ESRRG: variants seen among roughly 807,000 people sequenced by gnomAD.
ESRRG encodes the protein estrogen-related receptor gamma.
ESRRG carries 13 observed loss-of-function variants against 44.0 expected under a neutral mutation model. The observed-to-expected ratio is 0.30, with a 90% CI of 0.19 to 0.47. The LOEUF (loss-of-function observed/expected upper bound fraction) is 0.47, where lower values mean the gene tolerates loss of function less well. ESRRG is among the 20% of genes least tolerant of loss of function. The pLI, the probability that ESRRG is intolerant of heterozygous loss-of-function variation, is 1.00. For synonymous variants in ESRRG, 215 were observed against 214.6 expected (o/e 1.00, Z -0.02); for missense variants, 395 against 580.6 (o/e 0.68, Z 3.29).
intron 5 of ESRRG, among the ~76,000 whole-genome samples, chr1:216,536,412 C>A (rs1447726988): frequency 6.6e-6 from 1 of 152,076 alleles, no homozygotes; most frequent in Non-Finnish European, 1.5e-5. Flanking sequence ...TATGTTTTGA[C>A]TTCTATGTCT....
chr1:216,830,544 G>T, intron 2 of ESRRG, among the ~76,000 whole-genome samples: 1 of 152,152 alleles, frequency 6.6e-6, no homozygotes, highest in East Asian at 1.9e-4. Flanking sequence ...CTTCTAGGAA[G>T]TCTTGTTTAT....
At chr1:216,972,104 G>T (rs1235970909) in intron 1 of ESRRG, among the ~76,000 whole-genome samples, 1 of 151,932 alleles carries the variant, frequency 6.6e-6, no homozygotes, top group Non-Finnish European at 1.5e-5. Context: ...AGTTCAACTT[G>T]CACTTTAGCC....
At chr1:216,715,342 C>A in intron 1 of ESRRG, 1 of 527,464 alleles carries the variant, frequency 1.9e-6, no homozygotes, top group Non-Finnish European at 2.4e-6. Flanking sequence ...TGGTTCTCAC[C>A]AACCATATAC....
intron 2 of ESRRG, among the ~76,000 whole-genome samples, chr1:216,674,726 C>T (rs1487985161): frequency 6.6e-6 from 1 of 151,122 alleles, no homozygotes; most frequent in Non-Finnish European, 1.5e-5. Context: ...CCTTCTGCCT[C>T]AACCTTTCCA....
chr1:216,978,687 C>G (rs954767675), intron 1 of ESRRG, among the ~76,000 whole-genome samples: 5 of 152,124 alleles, frequency 3.3e-5, no homozygotes, highest in African/African-American at 9.7e-5. Flanking sequence ...ACAGTCAGAG[C>G]AGAAAGAGCC....
At chr1:217,122,347 A>C (rs887471232) in intron 1 of ESRRG, among the ~76,000 whole-genome samples, 16 of 152,136 alleles carry the variant, frequency 1.1e-4, no homozygotes, top group Non-Finnish European at 1.2e-4. Flanking sequence ...AAGAAAAGCA[A>C]TCTGAAGACA....
chr1:217,011,255 A>C (rs1459130357), intron 1 of ESRRG, among the ~76,000 whole-genome samples: 3 of 152,218 alleles, frequency 2.0e-5, no homozygotes, highest in African/African-American at 7.2e-5. Context: ...CAGTCTTCCA[A>C]ACCTGTTTCT....
intron 2 of ESRRG, among the ~76,000 whole-genome samples, chr1:216,741,054 C>T (rs1015438554): frequency 6.6e-6 from 1 of 151,178 alleles, no homozygotes; most frequent in Admixed American, 6.6e-5. Flanking sequence ...CACAGTCCCC[C>T]CTCTCTCTTC....
intron 2 of ESRRG, among the ~76,000 whole-genome samples, chr1:216,854,380 CAAAG>C (rs2095890391): frequency 9.7e-6 from 1 of 103,434 alleles, no homozygotes. Context: ...AAAAAAAAAG[CAAAG>C]AAAAAAAAGA....
At chr1:217,039,878 TGTA>T (rs10568786) in intron 1 of ESRRG, among the ~76,000 whole-genome samples, 23,303 of 152,096 alleles carry the variant, frequency 0.15, 2,315 homozygotes, top group East Asian at 0.2. Context: ...CTTCCCAAAT[TGTA>T]GTATTCTATA....
chr1:217,004,277 T>G (rs1160749879), intron 1 of ESRRG, among the ~76,000 whole-genome samples: 2 of 152,300 alleles, frequency 1.3e-5, no homozygotes, highest in Middle Eastern at 3.4e-3. Flanking sequence ...AATCTCACCT[T>G]GAATTGTAAT....
intron 2 of ESRRG, among the ~76,000 whole-genome samples, chr1:216,930,181 A>T (rs1005699112): frequency 2.6e-5 from 4 of 152,050 alleles, no homozygotes; most frequent in Admixed American, 6.5e-5. Flanking sequence ...TTTCTCTTGC[A>T]TCTTTAATCT....
intron 3 of ESRRG, among the ~76,000 whole-genome samples, chr1:216,637,573 T>C (rs1303399890): frequency 6.6e-6 from 1 of 152,212 alleles, no homozygotes; most frequent in Non-Finnish European, 1.5e-5. Flanking sequence ...AAGACATCAT[T>C]ATAAATATCA....
chr1:216,764,640 G>A (rs1448409761), intron 2 of ESRRG, among the ~76,000 whole-genome samples: 2 of 151,974 alleles, frequency 1.3e-5, no homozygotes, highest in Admixed American at 6.6e-5. Flanking sequence ...TGGGACTATA[G>A]GTGTGTGCTG....
At chr1:216,622,055 C>T (rs2062333428) in intron 3 of ESRRG, among the ~76,000 whole-genome samples, 1 of 152,168 alleles carries the variant, frequency 6.6e-6, no homozygotes, top group South Asian at 2.1e-4. Flanking sequence ...GAATAGTTGG[C>T]ATGGAATTCA....
chr1:217,105,832 G>T (rs1242839867), intron 1 of ESRRG, among the ~76,000 whole-genome samples: 1 of 152,126 alleles, frequency 6.6e-6, no homozygotes, highest in Admixed American at 6.6e-5. Flanking sequence ...TGCGAAGTTG[G>T]CTATGTGACC....
upstream of ESRRG, among the ~76,000 whole-genome samples, chr1:216,726,174 C>G (rs1252783333): frequency 6.6e-6 from 1 of 152,186 alleles, no homozygotes; most frequent in Non-Finnish European, 1.5e-5. Context: ...ACGCAAGGTG[C>G]AGTGTTCACT....
At chr1:216,732,381 A>AT (rs5780915) in intron 2 of ESRRG, among the ~76,000 whole-genome samples, 129,651 of 145,480 alleles carry the variant, frequency 0.89, 58,022 homozygotes, top group South Asian at 0.95. Flanking sequence ...GGATTTATTG[A>AT]TTTTTTTTTT....
At chr1:217,050,299 T>A (rs977840552) in intron 1 of ESRRG, among the ~76,000 whole-genome samples, 6 of 152,118 alleles carry the variant, frequency 3.9e-5, no homozygotes, top group African/African-American at 1.2e-4. Context: ...CAACAAAAAT[T>A]AGGTTACACA....
Sources: gnomAD v4.1 joint callset for allele counts (sites outside exome capture counted in the v4.1 genomes callset) on GRCh38, gnomAD v4.1.1 for gene constraint, MANE v1.5 for transcripts, NCBI Gene and HGNC (gene_info 2026-07-23, HGNC 2026-07-21) for gene names.